Variants in PTPRM observed in about 807,000 individuals in gnomAD.
PTPRM encodes the protein receptor-type tyrosine-protein phosphatase mu.
PTPRM carries 47 observed loss-of-function variants against 186.7 expected under a neutral mutation model. The observed-to-expected ratio is 0.25, with a 90% CI of 0.20 to 0.32. The LOEUF is 0.32. Among genes scored for constraint, PTPRM ranks in the 10% least tolerant of loss-of-function variants. The probability of loss-of-function intolerance (pLI) is 1.00; values close to 1 mark genes in which losing one functional copy is unlikely to be tolerated. For synonymous variants in PTPRM, 668 were observed against 674.9 expected, an observed-to-expected ratio of 0.99 and a Z score of 0.16; for missense variants, 1,494 against 1,865.0, an observed-to-expected ratio of 0.80 and a Z score of 3.66.
At chr18:8,356,155 G>C (rs12958990) in intron 23 of PTPRM, among the ~76,000 whole-genome samples, 41,551 of 152,166 alleles carry the variant, frequency 0.27, 5,762 homozygotes, top group East Asian at 0.37. Flanking sequence ...AGCCTGCAGC[G>C]TTGAGGCAGG....
intron 1 of PTPRM, among the ~76,000 whole-genome samples, chr18:7,688,102 C>G (rs1432295356): frequency 6.6e-6 from 1 of 152,106 alleles, no homozygotes; most frequent in Non-Finnish European, 1.5e-5. Context: ...TAAAAACATT[C>G]TCTAGTCGTG....
intron 4 of PTPRM, among the ~76,000 whole-genome samples, chr18:7,912,026 A>G (rs1021477108): frequency 6.6e-6 from 1 of 151,476 alleles, no homozygotes; most frequent in East Asian, 2.0e-4. Flanking sequence ...CTAATTTTGT[A>G]TTTTTAGTAG....
chr18:7,580,209 A>G (rs949026081), intron 1 of PTPRM, among the ~76,000 whole-genome samples: 1 of 152,224 alleles, frequency 6.6e-6, no homozygotes, highest in Non-Finnish European at 1.5e-5. Flanking sequence ...CAGATGGCAC[A>G]GCAAAAGAGA....
chr18:7,902,838 T>C, intron 3 of PTPRM, among the ~76,000 whole-genome samples: 1 of 147,004 alleles, frequency 6.8e-6, no homozygotes, highest in Admixed American at 6.8e-5. Context: ...CTCTGCCTTT[T>C]TTTTTTTTTT....
intron 2 of PTPRM, among the ~76,000 whole-genome samples, chr18:7,819,712 G>C (rs1309887989): frequency 6.6e-6 from 1 of 152,220 alleles, no homozygotes; most frequent in Non-Finnish European, 1.5e-5. Flanking sequence ...AGCTGCCTAT[G>C]GACAGGGGCT....
chr18:7,994,190 T>C (rs1242704510), intron 7 of PTPRM, among the ~76,000 whole-genome samples: 1 of 151,856 alleles, frequency 6.6e-6, no homozygotes, highest in East Asian at 1.9e-4. Context: ...ACTAGAACTT[T>C]AAGTCAAAAA....
chr18:7,728,490 C>T (rs994609694), intron 1 of PTPRM, among the ~76,000 whole-genome samples: 1 of 152,230 alleles, frequency 6.6e-6, no homozygotes, highest in South Asian at 2.1e-4. Context: ...ATGGCTCCGC[C>T]CAGTTCCCTC....
At chr18:7,774,011 G>A (rs1468807243) in intron 1 of PTPRM, 138 bp from the exon 2 acceptor site, 5 of 803,446 alleles carry the variant, frequency 6.2e-6, no homozygotes, top group Non-Finnish European at 9.8e-6. Flanking sequence ...TGGATGCACA[G>A]CTCCTGAGTG....
intron 14 of PTPRM, among the ~76,000 whole-genome samples, chr18:8,178,747 A>C (rs1257337318): frequency 6.6e-6 from 1 of 152,158 alleles, no homozygotes; most frequent in East Asian, 1.9e-4. Flanking sequence ...AGATCGCATC[A>C]CTGCCCTCCA....
At chr18:7,672,486 A>G (rs1357730279) in intron 1 of PTPRM, among the ~76,000 whole-genome samples, 2 of 152,132 alleles carry the variant, frequency 1.3e-5, no homozygotes, top group East Asian at 1.9e-4. Context: ...CCCAAAAGGA[A>G]CAAAAAGAAT....
At position 8,091,398 on chromosome 18, in the gene PTPRM, T is replaced by A. The variant is rs1000130448; in HGVS notation, c.1856+2547T>A. On this transcript the variant is annotated intron_variant, in intron 11 of 32. Coordinates refer to ENST00000580170, the MANE Select transcript of PTPRM (RefSeq NM_001105244.2). ...TAGCATCTTGAAATTAATAAATATATCCATGTTCATTATTCACATCTGTAA... is the reference window on the plus strand; with the variant it reads ...TAGCATCTTGAAATTAATAAATATAACCATGTTCATTATTCACATCTGTAA... Among the ~76,000 whole-genome samples, 3 of 152,246 alleles carry A rather than the reference T, an allele frequency of 2.0e-5. No individual in the cohort carries two copies. The South Asian group carries it at 6.2e-4, about 32-fold the overall frequency.
intron 2 of PTPRM, among the ~76,000 whole-genome samples, chr18:7,879,473 G>A (rs2048395061): frequency 6.6e-6 from 1 of 152,070 alleles, no homozygotes; most frequent in South Asian, 2.1e-4. Context: ...AGTTTGTCTC[G>A]TTTGTAGTTC....
At position 8,066,141 on chromosome 18, in the gene PTPRM, A is replaced by G. The variant is rs78386721; in HGVS notation, c.1133-3545A>G. On this transcript the variant is annotated intron_variant, in intron 7 of 32. Coordinates refer to ENST00000580170, the MANE Select transcript of PTPRM (RefSeq NM_001105244.2). ...AGAATTTAATTTTGCAAAATGGCAG[A>G]AAAAAAAGTAAAAACAAAGAAGCAT... Among the ~76,000 whole-genome samples, 936 of 152,130 alleles carry G rather than the reference A, an allele frequency of 6.2e-3. 6 individuals are homozygous for G. The highest frequency in any genetic ancestry group is 0.01 in the Non-Finnish European group (683 of 67,974).
rs533190182 is a variant in PTPRM at position 8,168,201 on chromosome 18, A to C, written c.2300+24422A>C. Reference sequence around the variant, plus strand: ...GTATTAGTCTGAAAAGTAGTTCCTGAAAGTTGTTAAGTATTTTTACATAAA... The same window carrying C: ...GTATTAGTCTGAAAAGTAGTTCCTGCAAGTTGTTAAGTATTTTTACATAAA... On this transcript the variant is annotated intron_variant, in intron 14 of 32. Transcript: ENST00000580170. Among the ~76,000 whole-genome samples, 3 of 152,280 alleles carry C rather than the reference A, an allele frequency of 2.0e-5. 1 individual carries two copies. In the South Asian group the frequency reaches 6.2e-4, roughly 32 times the overall value.
chr18:7,625,064 A>G (rs980590625), intron 1 of PTPRM, among the ~76,000 whole-genome samples: 8 of 152,228 alleles, frequency 5.3e-5, no homozygotes, highest in African/African-American at 1.7e-4. Context: ...CAGAAACTCT[A>G]CAAGAGCTTG....
intron 1 of PTPRM, among the ~76,000 whole-genome samples, chr18:7,673,027 C>T (rs1486207616): frequency 6.6e-6 from 1 of 152,224 alleles, no homozygotes; most frequent in Non-Finnish European, 1.5e-5. Flanking sequence ...GAGCCTGTGA[C>T]ATGAGGGGCT....
intron 23 of PTPRM, 88 bp from the exon 24 acceptor site, chr18:8,370,802 G>A (rs73939459): frequency 0.016 from 11,253 of 686,354 alleles, 156 homozygotes; most frequent in African/African-American, 0.048. Flanking sequence ...TGCAAATTTT[G>A]TCCTATAAAT....
At chr18:8,289,563 CATATATATAT>C (rs72435328) in intron 19 of PTPRM, among the ~76,000 whole-genome samples, 3 of 106,222 alleles carry the variant, frequency 2.8e-5, no homozygotes, top group Middle Eastern at 4.7e-3. Flanking sequence ...TATATATACA[CATATATATAT>C]ATACATATAT....
At chr18:8,082,983 C>G (rs2090219986) in intron 9 of PTPRM, among the ~76,000 whole-genome samples, 1 of 151,928 alleles carries the variant, frequency 6.6e-6, no homozygotes, top group African/African-American at 2.4e-5. Flanking sequence ...ATATCCAGTC[C>G]TTCACTGAGT....
Sources: allele counts gnomAD v4.1 joint callset (sites outside exome capture counted in the v4.1 genomes callset), GRCh38; gene constraint gnomAD v4.1.1; transcripts MANE v1.5; gene names NCBI Gene and HGNC (gene_info 2026-07-23, HGNC 2026-07-21).